RAET1E: variants seen among roughly 807,000 people sequenced by gnomAD.
RAET1E encodes the protein NKG2D ligand 4.
Under a neutral mutation model 21.1 loss-of-function variants are expected in RAET1E, and 27 were observed. The observed-to-expected ratio is 1.28, with a 90% CI of 0.94 to 1.76. The LOEUF (loss-of-function observed/expected upper bound fraction) is 1.76. Ranked by LOEUF, RAET1E falls within the 40% of genes most tolerant of loss-of-function variation. The probability of loss-of-function intolerance (pLI) is 0.00; values close to 1 mark genes in which losing one functional copy is unlikely to be tolerated. For synonymous variants in RAET1E, 113 were observed against 115.0 expected, an observed-to-expected ratio of 0.98 and a Z score of 0.11; for missense variants, 310 against 311.3, an observed-to-expected ratio of 1.00 and a Z score of 0.03.
intron 5 of RAET1E, 95 bp downstream of exon 5, chr6:149,889,253 C>CA: frequency 2.0e-6 from 3 of 1,522,400 alleles, no homozygotes; most frequent in Non-Finnish European, 2.6e-6. Context: ...AGAAGTCAAT[C>CA]AAATTTTCTA....
rs1777489178 is a variant in RAET1E at position 149,883,635 on chromosome 6, T to G, written c.*4863A>C. ...TCGCTTGAGCCTGGGAGATCGAGGT[T>G]GCAGTGAGCCGGGATCGCACCACTA... On this transcript the variant is annotated 3_prime_UTR_variant, in exon 6 of 6. Transcript: ENST00000357183. 1 of 152,612 alleles carries G rather than the reference T, an allele frequency of 6.6e-6. No homozygotes were observed. The highest frequency in any genetic ancestry group is 2.4e-5 in the African/African-American group (1 of 41,570). 9.5% of individuals were successfully genotyped at this position (152,612 alleles called of 1,614,324 possible). A position where few individuals can be genotyped will look rare whatever the true frequency, so the allele number is the denominator to read the frequency against.
chr6:149,893,153 C>T (rs1777979700), intron 2 of RAET1E, among the ~76,000 whole-genome samples: 1 of 152,184 alleles, frequency 6.6e-6, no homozygotes, highest in Admixed American at 6.5e-5. Flanking sequence ...CAGCTTTGCT[C>T]TTCTTGCCCA....
intron 2 of RAET1E, among the ~76,000 whole-genome samples, chr6:149,893,857 T>C (rs1200829983): frequency 6.6e-6 from 1 of 152,230 alleles, no homozygotes; most frequent in Non-Finnish European, 1.5e-5. Context: ...ATAGCTCTCA[T>C]TATTTTCGGA....
chr6:149,888,774 T>A (rs2115498789), intron 5 of RAET1E, 107 bp from the exon 6 acceptor site: 1 of 1,437,888 alleles, frequency 7.0e-7, no homozygotes, highest in East Asian at 2.5e-5. Context: ...GAACACATGG[T>A]GCCCCACATA....
At chr6:149,897,736 C>T (rs1778171669) in intron 1 of RAET1E, among the ~76,000 whole-genome samples, 1 of 152,042 alleles carries the variant, frequency 6.6e-6, no homozygotes, top group Non-Finnish European at 1.5e-5. Context: ...ATCCCTGTCC[C>T]CCAAATTGGA....
In RAET1E at chr6:149,886,473, C is replaced by A. The variant is rs1186034611; in HGVS notation, c.*2025G>T. ...GCAATGGCGCAATATCAGCTCACTG[C>A]AAACTCCGCCTCCTGAGTTCAAGCG... On this transcript the variant is annotated 3_prime_UTR_variant, in exon 6 of 6. Transcript: ENST00000357183. Among the ~76,000 whole-genome samples, 1 of 152,238 alleles carries A rather than the reference C, an allele frequency of 6.6e-6. No individual in the cohort carries two copies. The highest frequency in any genetic ancestry group is 1.5e-5 in the Non-Finnish European group (1 of 68,048).
intron 2 of RAET1E, among the ~76,000 whole-genome samples, chr6:149,895,082 G>T (rs1375034403): frequency 6.6e-6 from 1 of 152,218 alleles, no homozygotes; most frequent in African/African-American, 2.4e-5. Flanking sequence ...GGTATCACCA[G>T]CGGAGGCTGC....
At chr6:149,894,554 C>T (rs557767843) in intron 2 of RAET1E, among the ~76,000 whole-genome samples, 66 of 152,030 alleles carry the variant, frequency 4.3e-4, no homozygotes, top group Non-Finnish European at 6.9e-4. Flanking sequence ...TCCTTTCTTC[C>T]GCTTGATTGA....
intron 4 of RAET1E, 130 bp downstream of exon 4, chr6:149,889,755 G>T: frequency 6.8e-7 from 1 of 1,477,188 alleles, no homozygotes; most frequent in Non-Finnish European, 9.2e-7. Context: ...CCTGCCCATT[G>T]GGTCCCATGT....
chr6:149,897,384 C>A (rs1778157814), intron 1 of RAET1E, among the ~76,000 whole-genome samples: 1 of 152,144 alleles, frequency 6.6e-6, no homozygotes, highest in South Asian at 2.1e-4. Context: ...GAAAGTGAAA[C>A]CAATAATTTC....
At chr6:149,889,722 C>T (rs1027170407) in intron 4 of RAET1E, 99 bp from the exon 5 acceptor site, 7 of 1,517,268 alleles carry the variant, frequency 4.6e-6, no homozygotes, top group Non-Finnish European at 6.3e-6. Context: ...GGTCTGTATT[C>T]TTTCTGCCCA....
At chr6:149,897,477 C>T (rs1398860020) in intron 1 of RAET1E, among the ~76,000 whole-genome samples, 4 of 152,216 alleles carry the variant, frequency 2.6e-5, no homozygotes, top group Non-Finnish European at 5.9e-5. Context: ...ATGAATTGGA[C>T]TGCAGTTTTC....
chr6:149,891,734 T>C (rs562297987), intron 2 of RAET1E, among the ~76,000 whole-genome samples: 11 of 151,184 alleles, frequency 7.3e-5, no homozygotes. Flanking sequence ...AAAAAAAAAT[T>C]TTTTTTTATT....
intron 3 of RAET1E, among the ~76,000 whole-genome samples, 192 bp downstream of exon 3, chr6:149,890,625 A>G (rs1459734435): frequency 6.6e-6 from 1 of 152,170 alleles, no homozygotes; most frequent in Admixed American, 6.5e-5. Context: ...TCTGTGAGCC[A>G]GTGCCTTGCC....
intron 1 of RAET1E, among the ~76,000 whole-genome samples, 193 bp downstream of exon 1, chr6:149,897,828 C>A (rs1449932953): frequency 6.6e-6 from 1 of 152,060 alleles, no homozygotes; most frequent in Admixed American, 6.5e-5. Flanking sequence ...CCCGCAGAGC[C>A]ACCCCGTCCT....
chr6:149,889,583 T>C lies in RAET1E; in HGVS notation c.387A>G (p.Glu129=), dbSNP rs1159451285. 6.2e-7 allele frequency: 1 copy of C among 1,614,096 alleles called. No homozygotes were observed. Among genetic ancestry groups the C allele is most frequent in the Non-Finnish European group, 8.5e-7 (1 of 1,180,048 alleles). The change falls in exon 5 of 6, where the codon GAA becomes GAG. Residue 129 remains glutamate (E), a synonymous_variant. Coordinates refer to ENST00000357183, the MANE Select transcript of RAET1E (RefSeq NM_001394057.1). ...TLQVEMFCQR[E]AERCTGASWQ... ...AGGATGCACCAGTGCACCGTTCTGC[T>C]TCACGTTGACAAAACATCTCGACTT...
rs1777497108 is a variant in RAET1E, at chr6:149,883,771, A to C, written c.*4727T>G. The C allele has an allele frequency of 6.6e-6, 1 of 152,666 alleles. No homozygotes were observed. The highest frequency in any genetic ancestry group is 6.5e-5 in the Admixed American group (1 of 15,326). 9.5% of individuals were successfully genotyped at this position (152,666 alleles called of 1,614,324 possible). On this transcript the variant is annotated 3_prime_UTR_variant, in exon 6 of 6. Transcript: ENST00000357183. Reference sequence around the variant, plus strand: ...TTTATACAGTCAGTTCTGCTATATCAGGTTGTTTGAAAACCGTACTTTATT... The same window carrying C: ...TTTATACAGTCAGTTCTGCTATATCCGGTTGTTTGAAAACCGTACTTTATT...
chr6:149,890,954 G>C lies in RAET1E; in HGVS notation c.-53C>G. 3 of 1,269,650 alleles carry C rather than the reference G, an allele frequency of 2.4e-6. No individual in the cohort carries two copies. The highest frequency in any genetic ancestry group is 2.3e-5 in the East Asian group (1 of 42,604). The allele number at this position is 1,269,650 out of a possible 1,614,324, so 78.6% of individuals were successfully genotyped here. A position where few individuals can be genotyped will look rare whatever the true frequency, so the allele number is the denominator to read the frequency against. Reference sequence around the variant, plus strand: ...GGGCGTGTACACATTCACCCTCACTGGTATGGTGAAGAAATGTTATCCAAC... The same window carrying C: ...GGGCGTGTACACATTCACCCTCACTCGTATGGTGAAGAAATGTTATCCAAC... On this transcript the variant is annotated 5_prime_UTR_variant, in exon 3 of 6. Coordinates refer to ENST00000357183, the MANE Select transcript of RAET1E (RefSeq NM_001394057.1).
chr6:149,890,247 G>T, intron 3 of RAET1E, 102 bp from the exon 4 acceptor site: 1 of 1,315,390 alleles, frequency 7.6e-7, no homozygotes, highest in Non-Finnish European at 1.1e-6. Flanking sequence ...CAGGCTAGCA[G>T]AGGCGGGGCA....
Sources: allele counts gnomAD v4.1 joint callset (sites outside exome capture counted in the v4.1 genomes callset), GRCh38; gene constraint gnomAD v4.1.1; transcripts MANE v1.5; gene names NCBI Gene and HGNC (gene_info 2026-07-23, HGNC 2026-07-21).